LSAMP: variants seen among roughly 807,000 people sequenced by gnomAD.
LSAMP encodes limbic system associated membrane protein, also known as limbic system-associated membrane protein.
In LSAMP, 7 loss-of-function variants were observed where a neutral mutation model predicts 38.6. The observed-to-expected ratio is 0.18, with a 90% CI of 0.10 to 0.34. LSAMP has a LOEUF of 0.34. Among genes scored for constraint, LSAMP ranks in the 10% least tolerant of loss-of-function variants. The pLI is 1.00. For missense variants in LSAMP, 313 were observed against 420.0 expected, an observed-to-expected ratio of 0.75 and a Z score of 2.23; for synonymous variants, 154 against 166.8, an observed-to-expected ratio of 0.92 and a Z score of 0.59.
At chr3:115,853,828 T>A in intron 3 of LSAMP, among the ~76,000 whole-genome samples, 1 of 152,176 alleles carries the variant, frequency 6.6e-6, no homozygotes, top group East Asian at 1.9e-4. Flanking sequence ...AAGAACACAG[T>A]CCTGCAATCA....
intron 1 of LSAMP, among the ~76,000 whole-genome samples, chr3:116,422,970 T>G (rs1323231545): frequency 6.6e-6 from 1 of 152,194 alleles, no homozygotes; most frequent in Non-Finnish European, 1.5e-5. Context: ...GTTTACTGCT[T>G]TCCTCTTCAA....
At chr3:115,848,281 G>A (rs1440297299) in intron 4 of LSAMP, among the ~76,000 whole-genome samples, 12 of 152,180 alleles carry the variant, frequency 7.9e-5, no homozygotes, top group Admixed American at 2.0e-4. Flanking sequence ...AAAATTAGTC[G>A]GGTATGGTGG....
intron 3 of LSAMP, among the ~76,000 whole-genome samples, chr3:115,946,888 G>A (rs1398490496): frequency 6.6e-6 from 1 of 151,806 alleles, no homozygotes; most frequent in Non-Finnish European, 1.5e-5. Context: ...TAAAATATCA[G>A]CATGTCAAAC....
intron 3 of LSAMP, among the ~76,000 whole-genome samples, chr3:115,933,603 G>T (rs1018194299): frequency 6.6e-6 from 1 of 152,148 alleles, no homozygotes; most frequent in African/African-American, 2.4e-5. Context: ...TATATCTAGA[G>T]CTCAGAACAT....
chr3:115,826,100 C>CTTTTAT (rs147152802), intron 6 of LSAMP, among the ~76,000 whole-genome samples: 3,587 of 149,112 alleles, frequency 0.024, 159 homozygotes, highest in African/African-American at 0.083. Context: ...CTCTTTCTGT[C>CTTTTAT]TTTTATTTTT....
At chr3:116,300,018 C>A (rs1039787989) in intron 1 of LSAMP, among the ~76,000 whole-genome samples, 4 of 152,184 alleles carry the variant, frequency 2.6e-5, no homozygotes, top group Non-Finnish European at 4.4e-5. Flanking sequence ...ACCGTGTCGC[C>A]TGAGTCCCTC....
intron 3 of LSAMP, among the ~76,000 whole-genome samples, chr3:115,944,665 A>G (rs112864165): frequency 3.9e-5 from 6 of 152,232 alleles, no homozygotes; most frequent in African/African-American, 1.4e-4. Context: ...TTGCAATTGC[A>G]CTCTGTGTTA....
chr3:115,997,933 TATA>T (rs1437050253), intron 3 of LSAMP, among the ~76,000 whole-genome samples: 6 of 147,076 alleles, frequency 4.1e-5, no homozygotes, highest in Admixed American at 1.4e-4. Context: ...TAGCTATACA[TATA>T]ATATTAAAAA....
At chr3:116,160,844 G>C (rs1343208234) in intron 1 of LSAMP, among the ~76,000 whole-genome samples, 6 of 152,198 alleles carry the variant, frequency 3.9e-5, no homozygotes. Context: ...TAGAGATTCT[G>C]ATTTAGTAGG....
intron 3 of LSAMP, among the ~76,000 whole-genome samples, chr3:115,854,713 G>T (rs1935452946): frequency 6.6e-6 from 1 of 152,134 alleles, no homozygotes; most frequent in Non-Finnish European, 1.5e-5. Context: ...GGGGTAAAAA[G>T]ATCTTTCCTG....
intron 1 of LSAMP, among the ~76,000 whole-genome samples, chr3:116,357,181 A>C (rs2048237097): frequency 6.6e-6 from 1 of 152,160 alleles, no homozygotes; most frequent in Non-Finnish European, 1.5e-5. Context: ...GCCAAACAAG[A>C]TTACCAGGTA....
chr3:115,945,618 G>A (rs1019078327), intron 3 of LSAMP, among the ~76,000 whole-genome samples: 1 of 152,038 alleles, frequency 6.6e-6, no homozygotes, highest in Non-Finnish European at 1.5e-5. Flanking sequence ...AATGACCAGT[G>A]ACATTTAGAA....
rs191120945 is a variant in LSAMP, at chr3:115,803,267, C to T, written c.*7050G>A. 6.6e-6 allele frequency: 1 copy of T among 152,306 alleles called. No homozygotes were observed. The highest frequency in any genetic ancestry group is 1.9e-4 in the East Asian group (1 of 5,178). The allele number at this position is 152,306 out of a possible 1,614,324, so 9.4% of individuals were successfully genotyped here. A position where few individuals can be genotyped will look rare whatever the true frequency, so the allele number is the denominator to read the frequency against. ...AGCTTCATAAGTAATCTAAGCACAT[C>T]ATATATCCTTACCTACACAAAGTGA... is the stretch of plus-strand genomic sequence containing the variant. On this transcript the variant is annotated 3_prime_UTR_variant, in exon 7 of 7. Transcript: ENST00000490035.
chr3:116,117,187 T>C (rs1708771802), intron 1 of LSAMP, among the ~76,000 whole-genome samples: 1 of 152,202 alleles, frequency 6.6e-6, no homozygotes, highest in Non-Finnish European at 1.5e-5. Flanking sequence ...ACTTATATAA[T>C]TATTTTTAAA....
chr3:116,413,143 C>T (rs2049002045), intron 1 of LSAMP, among the ~76,000 whole-genome samples: 2 of 152,112 alleles, frequency 1.3e-5, no homozygotes, highest in Admixed American at 1.3e-4. Context: ...ATAATGATAT[C>T]AGCAACCCTA....
At chr3:116,264,193 G>T (rs1416199066) in intron 1 of LSAMP, among the ~76,000 whole-genome samples, 3 of 152,008 alleles carry the variant, frequency 2.0e-5, no homozygotes, top group African/African-American at 7.3e-5. Flanking sequence ...GTATCTCCCT[G>T]GTCTCTTACT....
chr3:115,948,610 C>T (rs1423465669), intron 3 of LSAMP, among the ~76,000 whole-genome samples: 1 of 152,006 alleles, frequency 6.6e-6, no homozygotes, highest in African/African-American at 2.4e-5. Context: ...CTTATCAAAT[C>T]CTGTGGGATA....
chr3:115,868,492 G>A (rs983887352), intron 3 of LSAMP, among the ~76,000 whole-genome samples: 1 of 152,150 alleles, frequency 6.6e-6, no homozygotes, highest in African/African-American at 2.4e-5. Context: ...GTGTGTGTAT[G>A]TGGGATGGGT....
chr3:115,814,521 G>A (rs1353520018), intron 6 of LSAMP, among the ~76,000 whole-genome samples: 1 of 152,138 alleles, frequency 6.6e-6, no homozygotes, highest in African/African-American at 2.4e-5. Context: ...ACCTGTTTTA[G>A]CGTATGCTTA....
Sources: allele counts gnomAD v4.1 joint callset (sites outside exome capture counted in the v4.1 genomes callset), GRCh38; gene constraint gnomAD v4.1.1; transcripts MANE v1.5; gene names NCBI Gene and HGNC (gene_info 2026-07-23, HGNC 2026-07-21).